Variants in HADH observed in about 807,000 individuals in gnomAD.
HADH encodes the protein hydroxyacyl-coenzyme A dehydrogenase, mitochondrial.
A neutral mutation model predicts 32.2 loss-of-function variants in HADH; 24 were observed. The ratio of observed to expected loss-of-function variants is 0.75; its 90% CI spans 0.54 to 1.05. The LOEUF (loss-of-function observed/expected upper bound fraction) is 1.05. Ranked by LOEUF, HADH falls within the 50% of genes least tolerant of loss-of-function variation. The pLI, the probability that HADH is intolerant of heterozygous loss-of-function variation, is 0.00. For synonymous variants in HADH, 139 were observed against 152.5 expected (o/e 0.91, Z 0.65); for missense variants, 350 against 397.1 (o/e 0.88, Z 1.01).
chr4:108,015,002 A>G (rs984030253), intron 3 of HADH, among the ~76,000 whole-genome samples: 2 of 152,212 alleles, frequency 1.3e-5, no homozygotes, highest in African/African-American at 4.8e-5. Flanking sequence ...TCCATGGTGT[A>G]TATATGCCAC....
intron 1 of HADH, among the ~76,000 whole-genome samples, chr4:107,993,918 T>C (rs949759555): frequency 2.0e-5 from 3 of 152,196 alleles, no homozygotes; most frequent in Non-Finnish European, 2.9e-5. Context: ...TTTTTTGCTT[T>C]ATAAAGAGGA....
chr4:107,990,115 G>T (rs1734732498), intron 1 of HADH, 51 bp downstream of exon 1: 3 of 1,563,942 alleles, frequency 1.9e-6, no homozygotes, highest in South Asian at 2.3e-5. Flanking sequence ...CCCACCCTGA[G>T]GTGGAAGCTC....
chr4:108,022,994 CT>C (rs11335135), intron 4 of HADH, among the ~76,000 whole-genome samples: 78,522 of 118,184 alleles, frequency 0.66, 25,783 homozygotes, highest in East Asian at 0.89. Flanking sequence ...ACACTGTTGT[CT>C]TTTTTTTTTT....
At chr4:108,032,318 A>G (rs1162551177) in intron 6 of HADH, 12 of 1,580,560 alleles carry the variant, frequency 7.6e-6, no homozygotes, top group East Asian at 2.2e-5. Context: ...GTCGTAGTCT[A>G]CTCAACAGAC....
chr4:108,030,981 A>G (rs868417148), intron 6 of HADH: 4 of 152,220 alleles, frequency 2.6e-5, no homozygotes, highest in African/African-American at 9.7e-5. Flanking sequence ...TTATTTCTTG[A>G]AATAAAACAG....
intron 6 of HADH, chr4:108,032,940 C>T: frequency 2.0e-6 from 1 of 508,626 alleles, no homozygotes; most frequent in Non-Finnish European, 3.5e-6. Context: ...CAAGATTGTG[C>T]CATTGCACTT....
At chr4:108,018,199 G>A (rs1433202189) in intron 3 of HADH, among the ~76,000 whole-genome samples, 2 of 152,168 alleles carry the variant, frequency 1.3e-5, no homozygotes, top group Admixed American at 6.5e-5. Context: ...TGGAGCCACA[G>A]CTGGCACAGC....
At chr4:108,021,535 A>T (rs973595051) in intron 4 of HADH, among the ~76,000 whole-genome samples, 5 of 152,130 alleles carry the variant, frequency 3.3e-5, no homozygotes, top group Admixed American at 3.3e-4. Flanking sequence ...GTATATATAT[A>T]TGTATTTTTT....
At chr4:108,033,824 A>T (rs1473664744) in intron 7 of HADH, among the ~76,000 whole-genome samples, 1 of 152,266 alleles carries the variant, frequency 6.6e-6, no homozygotes, top group Non-Finnish European at 1.5e-5. Flanking sequence ...TGAAGAATTA[A>T]ATTTTGAATC....
intron 3 of HADH, 127 bp from the exon 4 acceptor site, chr4:108,019,413 A>C: frequency 1.2e-6 from 1 of 819,598 alleles, no homozygotes; most frequent in Non-Finnish European, 2.1e-6. Flanking sequence ...CTTCTCCCTC[A>C]TTCCCCCAAT....
chr4:108,032,513 GA>G (rs1249557694), intron 6 of HADH: 1 of 577,926 alleles, frequency 1.7e-6, no homozygotes, highest in Non-Finnish European at 3.2e-6. Flanking sequence ...TTCTTTTTAA[GA>G]AAGTTTATTT....
At chr4:108,019,787 GGTT>G (rs969590351) in intron 4 of HADH, 121 bp downstream of exon 4, 1 of 1,113,356 alleles carries the variant, frequency 9.0e-7, no homozygotes, top group African/African-American at 1.5e-5. Context: ...GAGGGTAGAA[GGTT>G]GTCCCTGAGC....
At chr4:107,999,924 G>A (rs1427799962) in intron 1 of HADH, among the ~76,000 whole-genome samples, 3 of 152,130 alleles carry the variant, frequency 2.0e-5, no homozygotes, top group Admixed American at 6.5e-5. Context: ...CATATAGTGT[G>A]TATATATATC....
intron 1 of HADH, among the ~76,000 whole-genome samples, chr4:108,002,131 A>G (rs563238214): frequency 6.6e-6 from 1 of 152,324 alleles, no homozygotes; most frequent in South Asian, 2.1e-4. Context: ...CCCTTCTGCC[A>G]TATGAGGACA....
intron 1 of HADH, among the ~76,000 whole-genome samples, chr4:108,006,804 G>C (rs773803526): frequency 1.3e-5 from 2 of 152,168 alleles, no homozygotes; most frequent in African/African-American, 4.8e-5. Context: ...AGGTGCACTT[G>C]TTTATCAGGT....
chr4:108,014,293 G>T, intron 2 of HADH, 138 bp from the exon 3 acceptor site: 1 of 871,318 alleles, frequency 1.1e-6, no homozygotes. Context: ...AGGCTTCGTG[G>T]ACACTTTGAG....
At chr4:108,014,051 A>G (rs1177698808) in intron 2 of HADH, among the ~76,000 whole-genome samples, 2 of 152,212 alleles carry the variant, frequency 1.3e-5, no homozygotes, top group African/African-American at 4.8e-5. Flanking sequence ...AAATGAGGAA[A>G]CGATGAAAAC....
chr4:108,003,826 A>C (rs1315222087), intron 1 of HADH, among the ~76,000 whole-genome samples: 4 of 150,090 alleles, frequency 2.7e-5, no homozygotes, highest in South Asian at 2.1e-4. Flanking sequence ...AAAAAAAAAA[A>C]CAAAAAAAAA....
At chr4:108,022,264 G>A (rs1348020231) in intron 4 of HADH, among the ~76,000 whole-genome samples, 3 of 50,060 alleles carry the variant, frequency 6.0e-5, no homozygotes, top group Non-Finnish European at 1.4e-4. Flanking sequence ...CATCTCTCCT[G>A]TTTAAAAATA....
Sources: allele counts gnomAD v4.1 joint callset (sites outside exome capture counted in the v4.1 genomes callset), GRCh38; gene constraint gnomAD v4.1.1; transcripts MANE v1.5; gene names NCBI Gene and HGNC (gene_info 2026-07-23, HGNC 2026-07-21).